The following FOXN3 variants were observed in gnomAD, a reference collection of about 807,000 sequenced individuals.
FOXN3 encodes forkhead box N3.
A neutral mutation model predicts 38.4 loss-of-function variants in FOXN3; 7 were observed. That is an observed-to-expected ratio of 0.18 (90% CI 0.10 to 0.34). The LOEUF (loss-of-function observed/expected upper bound fraction) is 0.34. Ranked by LOEUF, FOXN3 falls within the 10% of genes least tolerant of loss-of-function variation. The probability of loss-of-function intolerance (pLI) is 1.00; values close to 1 mark genes in which losing one functional copy is unlikely to be tolerated. For synonymous variants in FOXN3, 230 were observed against 242.2 expected, an observed-to-expected ratio of 0.95 and a Z score of 0.47; for missense variants, 456 against 613.4, an observed-to-expected ratio of 0.74 and a Z score of 2.71.
chr14:89,245,233 T>C (rs1172910910), intron 4 of FOXN3, among the ~76,000 whole-genome samples: 2 of 152,170 alleles, frequency 1.3e-5, no homozygotes, highest in Non-Finnish European at 2.9e-5. Context: ...TGGAAACATA[T>C]GCAAAAGATA....
At chr14:89,520,001 C>A (rs1596306013) in intron 1 of FOXN3, among the ~76,000 whole-genome samples, 2 of 125,720 alleles carry the variant, frequency 1.6e-5, no homozygotes, top group South Asian at 4.8e-4. Context: ...TTTTTCTTTT[C>A]TTTTTTTCTT....
intron 1 of FOXN3, among the ~76,000 whole-genome samples, chr14:89,440,139 T>C (rs1324732324): frequency 6.6e-6 from 1 of 152,104 alleles, no homozygotes; most frequent in Non-Finnish European, 1.5e-5. Context: ...TGACCTGCCA[T>C]GGTTATCCAG....
intron 1 of FOXN3, among the ~76,000 whole-genome samples, chr14:89,592,634 A>G (rs926119984): frequency 6.6e-6 from 1 of 152,226 alleles, no homozygotes; most frequent in African/African-American, 2.4e-5. Context: ...TTATATACCT[A>G]ACCAAACGAC....
intron 1 of FOXN3, among the ~76,000 whole-genome samples, chr14:89,573,386 TTTA>T (rs1243535507): frequency 6.6e-6 from 1 of 152,184 alleles, no homozygotes; most frequent in Non-Finnish European, 1.5e-5. Context: ...GTCTGTGAAG[TTTA>T]TTATCAATAA....
At chr14:89,463,774 GTC>G (rs1170094701) in intron 1 of FOXN3, among the ~76,000 whole-genome samples, 2 of 140,248 alleles carry the variant, frequency 1.4e-5, no homozygotes, top group Non-Finnish European at 1.5e-5. Context: ...AGGGGTAGTG[GTC>G]TCTCTCTCTT....
intron 3 of FOXN3, among the ~76,000 whole-genome samples, chr14:89,339,051 A>G (rs1158177183): frequency 6.6e-6 from 1 of 152,138 alleles, no homozygotes; most frequent in Non-Finnish European, 1.5e-5. Flanking sequence ...CCCAGGCTGG[A>G]GTGCAACGGT....
intron 2 of FOXN3, among the ~76,000 whole-genome samples, chr14:89,405,249 G>T (rs1455430933): frequency 6.6e-6 from 1 of 152,120 alleles, no homozygotes; most frequent in Non-Finnish European, 1.5e-5. Flanking sequence ...CGATTCTCCT[G>T]CCTCAGCCTC....
intron 1 of FOXN3, among the ~76,000 whole-genome samples, chr14:89,609,264 C>A (rs1198433358): frequency 6.6e-6 from 1 of 152,098 alleles, no homozygotes; most frequent in Non-Finnish European, 1.5e-5. Context: ...TGTAGTGGCG[C>A]AATCATGGCT....
At chr14:89,508,905 A>G (rs533654915) in intron 1 of FOXN3, among the ~76,000 whole-genome samples, 1 of 152,246 alleles carries the variant, frequency 6.6e-6, no homozygotes, top group Admixed American at 6.5e-5. Flanking sequence ...TGCCTTCCAC[A>G]TGACAGGCTT....
At chr14:89,385,773 T>C (rs543798587) in intron 2 of FOXN3, among the ~76,000 whole-genome samples, 1 of 152,318 alleles carries the variant, frequency 6.6e-6, no homozygotes, top group African/African-American at 2.4e-5. Flanking sequence ...TGCCATTGCA[T>C]TCCAGCCTGG....
intron 2 of FOXN3, among the ~76,000 whole-genome samples, chr14:89,382,169 C>T (rs1596241393): frequency 6.6e-6 from 1 of 152,072 alleles, no homozygotes; most frequent in South Asian, 2.1e-4. Flanking sequence ...ACCCTATGAC[C>T]CCCACAGCTA....
intron 4 of FOXN3, among the ~76,000 whole-genome samples, chr14:89,253,153 T>C (rs1885511636): frequency 6.6e-6 from 1 of 152,182 alleles, no homozygotes; most frequent in Non-Finnish European, 1.5e-5. Context: ...TTGTCAGGGC[T>C]CATTAAGGCC....
chr14:89,363,954 A>ATATAT (rs1889995021), intron 2 of FOXN3, among the ~76,000 whole-genome samples: 1 of 2,644 alleles, frequency 3.8e-4, no homozygotes, highest in African/African-American at 4.9e-4. Flanking sequence ...TAAAATATAT[A>ATATAT]TATATATATA....
At position 89,213,429 on chromosome 14, in the gene FOXN3, C is replaced by T. The variant is rs189836008; in HGVS notation, c.746-32623G>A. On this transcript the variant is annotated intron_variant, in intron 4 of 5. Transcript: ENST00000557258. ...CATATTTCTCTTTTTGCCTTAGCTG[C>T]TAGGAAACTCGAAGATGGGTTTTGA... 3.2e-3 allele frequency among the ~76,000 whole-genome samples: 480 copies of T among 152,266 alleles called. 2 individuals are homozygous for T. Among genetic ancestry groups the T allele is most frequent in the Non-Finnish European group, 5.0e-3 (343 of 68,016 alleles).
At chr14:89,577,501 T>C (rs562069867) in intron 1 of FOXN3, 2 of 152,308 alleles carry the variant, frequency 1.3e-5, no homozygotes, top group Non-Finnish European at 2.9e-5. Flanking sequence ...TGCAAATTCA[T>C]GGCAAATGAT....
chr14:89,285,866 T>TAA (rs1566946763), intron 3 of FOXN3, among the ~76,000 whole-genome samples: 2 of 37,350 alleles, frequency 5.4e-5, no homozygotes, highest in African/African-American at 1.2e-4. Context: ...ACCAAAAATT[T>TAA]TTTTTTTTTT....
chr14:89,366,102 A>C (rs1209147164), intron 2 of FOXN3, among the ~76,000 whole-genome samples: 1 of 151,960 alleles, frequency 6.6e-6, no homozygotes, highest in Non-Finnish European at 1.5e-5. Context: ...AATACAAAAA[A>C]ATTAGCCTGG....
intron 3 of FOXN3, among the ~76,000 whole-genome samples, chr14:89,335,289 C>T (rs751038040): frequency 6.6e-6 from 1 of 152,140 alleles, no homozygotes; most frequent in African/African-American, 2.4e-5. Context: ...CCAAGTTTTC[C>T]AAGACTAATT....
intron 2 of FOXN3, among the ~76,000 whole-genome samples, chr14:89,360,739 G>C (rs550524005): frequency 0.042 from 2,707 of 64,510 alleles, 66 homozygotes; most frequent in African/African-American, 0.058. Flanking sequence ...ACCACCTCCA[G>C]CACCACCTCC....
Sources: allele counts gnomAD v4.1 joint callset (sites outside exome capture counted in the v4.1 genomes callset), GRCh38; gene constraint gnomAD v4.1.1; transcripts MANE v1.5; gene names NCBI Gene and HGNC (gene_info 2026-07-23, HGNC 2026-07-21).